PKIB: variants seen among roughly 807,000 people sequenced by gnomAD.
The protein encoded by PKIB is cAMP-dependent protein kinase inhibitor beta, also known as PKI-beta.
A neutral mutation model predicts 4.5 loss-of-function variants in PKIB; 2 were observed. The ratio of observed to expected loss-of-function variants is 0.44; its 90% confidence interval spans 0.18 to 1.39. The LOEUF is 1.39. Ranked by LOEUF, PKIB falls within the 40% of genes most tolerant of loss-of-function variation. The pLI is 0.27. For missense variants in PKIB, 94 were observed against 92.6 expected (o/e 1.02, Z -0.06); for synonymous variants, 38 against 36.0 (o/e 1.06, Z -0.20).
chr6:122,489,249 G>A (rs28632087), intron 2 of PKIB, among the ~76,000 whole-genome samples: 3 of 110,452 alleles, frequency 2.7e-5, no homozygotes, highest in African/African-American at 9.9e-5. Flanking sequence ...TATTATTATT[G>A]TTATTATTAT....
At chr6:122,545,539 C>T (rs1252926593) in intron 2 of PKIB, among the ~76,000 whole-genome samples, 2 of 151,362 alleles carry the variant, frequency 1.3e-5, no homozygotes, top group Non-Finnish European at 2.9e-5. Flanking sequence ...ATTTTGTCAC[C>T]AAGGTAATCA....
At chr6:122,550,650 T>C (rs1286293211) in intron 2 of PKIB, among the ~76,000 whole-genome samples, 15 of 152,218 alleles carry the variant, frequency 9.9e-5, no homozygotes, top group Admixed American at 9.8e-4. Context: ...CCATCCCTTT[T>C]CTATTTGAAT....
At chr6:122,540,126 A>C (rs932181220) in intron 2 of PKIB, among the ~76,000 whole-genome samples, 1 of 152,054 alleles carries the variant, frequency 6.6e-6, no homozygotes, top group African/African-American at 2.4e-5. Flanking sequence ...CTTTTCAAAA[A>C]ACCAGTTCCA....
intron 2 of PKIB, among the ~76,000 whole-genome samples, chr6:122,487,119 A>G (rs1775790242): frequency 6.6e-6 from 1 of 152,210 alleles, no homozygotes; most frequent in African/African-American, 2.4e-5. Context: ...CATTGAACAT[A>G]TTCACATTTT....
intron 2 of PKIB, among the ~76,000 whole-genome samples, chr6:122,656,484 C>T (rs1156657070): frequency 6.6e-6 from 1 of 151,952 alleles, no homozygotes; most frequent in African/African-American, 2.4e-5. Context: ...GAAATTGTTC[C>T]CATAACATCA....
chr6:122,722,770 A>G (rs1779794288), intron 4 of PKIB, among the ~76,000 whole-genome samples: 1 of 152,132 alleles, frequency 6.6e-6, no homozygotes, highest in African/African-American at 2.4e-5. Context: ...TCCTCCAGCT[A>G]CTGTCCTAGT....
intron 2 of PKIB, among the ~76,000 whole-genome samples, chr6:122,505,870 T>G (rs1011151296): frequency 6.6e-6 from 1 of 152,098 alleles, no homozygotes; most frequent in Non-Finnish European, 1.5e-5. Flanking sequence ...ATAAGATTAT[T>G]TATTTGATTT....
rs116006576 is a variant in PKIB at position 122,654,056 on chromosome 6, A to G, written c.-76+20689A>G. Among the ~76,000 whole-genome samples, 687 of 152,294 alleles carry G rather than the reference A, an allele frequency of 4.5e-3. 10 individuals carry two copies. The highest frequency in any genetic ancestry group is 0.016 in the African/African-American group (649 of 41,558). On this transcript the variant is annotated intron_variant, in intron 2 of 4. Transcript: ENST00000368452. ...TCCCCGTCTCCAATTATGGTCAGCA[A>G]GATATGCACCTCTATTTTATTTTAG...
At chr6:122,510,884 G>A (rs1776565192) in intron 2 of PKIB, among the ~76,000 whole-genome samples, 1 of 152,074 alleles carries the variant, frequency 6.6e-6, no homozygotes, top group African/African-American at 2.4e-5. Flanking sequence ...AATAGGCGCA[G>A]CAAGCCGAGT....
intron 2 of PKIB, among the ~76,000 whole-genome samples, chr6:122,503,546 T>C (rs1167756834): frequency 6.6e-6 from 1 of 152,214 alleles, no homozygotes; most frequent in African/African-American, 2.4e-5. Context: ...CTATCACTTA[T>C]CTTTCTTCTT....
chr6:122,586,716 G>T (rs1266180913), intron 3 of PKIB, among the ~76,000 whole-genome samples: 1 of 152,008 alleles, frequency 6.6e-6, no homozygotes. Flanking sequence ...TGATGATATA[G>T]CCAAGGGAAG....
intron 3 of PKIB, among the ~76,000 whole-genome samples, chr6:122,680,625 A>G (rs1777861747): frequency 6.6e-6 from 1 of 152,180 alleles, no homozygotes; most frequent in African/African-American, 2.4e-5. Flanking sequence ...TGGGACTGCC[A>G]GACAGGAAGG....
At chr6:122,599,266 G>T (rs1466564384) in intron 3 of PKIB, among the ~76,000 whole-genome samples, 2 of 152,152 alleles carry the variant, frequency 1.3e-5, no homozygotes, top group East Asian at 3.9e-4. Flanking sequence ...GGATGGGGAA[G>T]CTGTTTCTTC....
At chr6:122,686,615 G>A (rs1033104615) in intron 3 of PKIB, among the ~76,000 whole-genome samples, 7 of 151,428 alleles carry the variant, frequency 4.6e-5, no homozygotes, top group Admixed American at 6.6e-5. Flanking sequence ...CCCCCACCTC[G>A]CCTCCCAAAG....
chr6:122,497,218 A>G (rs1013061762), intron 2 of PKIB, among the ~76,000 whole-genome samples: 1 of 152,228 alleles, frequency 6.6e-6, no homozygotes, highest in Non-Finnish European at 1.5e-5. Context: ...ACAAAAGATT[A>G]TTCAGGAAGT....
At chr6:122,688,398 T>C (rs955061275) in intron 3 of PKIB, among the ~76,000 whole-genome samples, 14 of 152,182 alleles carry the variant, frequency 9.2e-5, no homozygotes, top group African/African-American at 3.4e-4. Context: ...TTTAGGGATA[T>C]TGGTGTGTAT....
upstream of PKIB, among the ~76,000 whole-genome samples, chr6:122,605,788 AG>A (rs1286146881): frequency 6.6e-6 from 1 of 152,172 alleles, no homozygotes; most frequent in Non-Finnish European, 1.5e-5. Flanking sequence ...AGCTACTCTC[AG>A]GGGTGTAAAG....
chr6:122,701,399 T>C, intron 3 of PKIB: 1 of 1,498,536 alleles, frequency 6.7e-7, no homozygotes, highest in Non-Finnish European at 9.1e-7. Context: ...AGGAATGAAG[T>C]ACTGACTGGT....
intron 2 of PKIB, among the ~76,000 whole-genome samples, chr6:122,651,906 G>A (rs1776569852): frequency 6.6e-6 from 1 of 152,146 alleles, no homozygotes; most frequent in Non-Finnish European, 1.5e-5. Flanking sequence ...TCTAAGGCAT[G>A]AAATATATGG....
Sources: gnomAD v4.1 joint callset for allele counts (sites outside exome capture counted in the v4.1 genomes callset) on GRCh38, gnomAD v4.1.1 for gene constraint, MANE v1.5 for transcripts, NCBI Gene and HGNC (gene_info 2026-07-23, HGNC 2026-07-21) for gene names.